ZC3H6: variants seen among roughly 807,000 people sequenced by gnomAD.
The protein encoded by ZC3H6 is zinc finger CCCH-type containing 6, also known as zinc finger CCCH domain-containing protein 6.
Under a neutral mutation model 107.7 loss-of-function variants are expected in ZC3H6, and 40 were observed. The ratio of observed to expected loss-of-function variants is 0.37; its 90% CI spans 0.29 to 0.48. The LOEUF is 0.48. Ranked by LOEUF, ZC3H6 falls within the 20% of genes least tolerant of loss-of-function variation. The pLI, the probability that ZC3H6 is intolerant of heterozygous loss-of-function variation, is 0.98. For missense variants in ZC3H6, 1,267 were observed against 1,410.4 expected (o/e 0.90, Z 1.63); for synonymous variants, 493 against 487.9 (o/e 1.01, Z -0.14).
intron 1 of ZC3H6, among the ~76,000 whole-genome samples, chr2:112,293,937 G>A (rs1023107417): frequency 3.3e-5 from 5 of 152,312 alleles, no homozygotes; most frequent in Admixed American, 3.3e-4. Context: ...CACTCTGGCT[G>A]AGGAACAGTT....
At chr2:112,328,007 A>C (rs1296259199) in intron 11 of ZC3H6, among the ~76,000 whole-genome samples, 1 of 152,148 alleles carries the variant, frequency 6.6e-6, no homozygotes, top group Non-Finnish European at 1.5e-5. Context: ...CTCCTGCCTC[A>C]GCCTCCCAAG....
At position 112,316,765 on chromosome 2, in the gene ZC3H6, A is replaced by G. The variant is rs532067252; in HGVS notation, c.864+179A>G. Among the ~76,000 whole-genome samples, 8 of 152,320 alleles carry G rather than the reference A, an allele frequency of 5.3e-5. No homozygotes were observed. In the East Asian group the frequency reaches 1.3e-3, roughly 26 times the overall value. ...AGAGCTCATTTAATTATGTTCTGGG[A>G]CAATAACATAATTTGTTGAAATCGG... is the stretch of plus-strand genomic sequence containing the variant. On this transcript the variant is annotated intron_variant, in intron 6 of 11. Coordinates refer to ENST00000409871, the MANE Select transcript of ZC3H6 (RefSeq NM_198581.3).
chr2:112,303,957 A>G (rs1676430918), intron 3 of ZC3H6, among the ~76,000 whole-genome samples: 2 of 152,250 alleles, frequency 1.3e-5, no homozygotes, highest in African/African-American at 4.8e-5. Flanking sequence ...TCTATGTCCA[A>G]CTGTCTGAGG....
chr2:112,289,762 T>C (rs1318576880), intron 1 of ZC3H6, among the ~76,000 whole-genome samples: 2 of 125,462 alleles, frequency 1.6e-5, no homozygotes, highest in Non-Finnish European at 3.3e-5. Flanking sequence ...GTTTTGTTTT[T>C]GAGACAGGGT....
At chr2:112,301,746 C>A (rs1676383425) in intron 2 of ZC3H6, among the ~76,000 whole-genome samples, 1 of 151,264 alleles carries the variant, frequency 6.6e-6, no homozygotes. Context: ...CAAAACAAAA[C>A]CAAAAGGAAG....
At chr2:112,299,790 A>G in intron 1 of ZC3H6, 59 bp from the exon 2 acceptor site, 3 of 1,237,520 alleles carry the variant, frequency 2.4e-6, no homozygotes, top group Non-Finnish European at 2.1e-6. Flanking sequence ...TCTTTTGAAA[A>G]TCTTTCTGTA....
chr2:112,302,347 C>T lies in ZC3H6; in HGVS notation c.214-882C>T, dbSNP rs114870412. ...AAATCATAAAAACCAAACTCCAGAC[C>T]ATTTAGGAACAAGATGGAGGAAAGC... is the stretch of plus-strand genomic sequence containing the variant. On this transcript the variant is annotated intron_variant, in intron 2 of 11. Coordinates refer to ENST00000409871, the MANE Select transcript of ZC3H6 (RefSeq NM_198581.3). 3.7e-3 allele frequency among the ~76,000 whole-genome samples: 564 copies of T among 152,132 alleles called. 5 individuals carry two copies. Among genetic ancestry groups the T allele is most frequent in the African/African-American group, 0.012 (511 of 41,504 alleles).
intron 1 of ZC3H6, among the ~76,000 whole-genome samples, chr2:112,287,956 T>C (rs1349150621): frequency 6.6e-6 from 1 of 152,264 alleles, no homozygotes; most frequent in East Asian, 1.9e-4. Context: ...CATGCCTTTC[T>C]GTTTTACTAT....
At chr2:112,330,915 T>C in intron 11 of ZC3H6, 90 bp from the exon 12 acceptor site, 1 of 554,132 alleles carries the variant, frequency 1.8e-6, no homozygotes, top group Non-Finnish European at 2.5e-6. Context: ...AGCCATATTA[T>C]AAAGAATAAT....
Position 112,331,119 on chromosome 2 carries a change from C to T in ZC3H6, c.2201C>T (p.Ser734Phe), listed in dbSNP as rs1174166191. 6.2e-7 allele frequency: 1 copy of T among 1,613,276 alleles called. No homozygotes were observed. The highest frequency in any genetic ancestry group is 8.5e-7 in the Non-Finnish European group (1 of 1,179,612). The change falls in exon 12 of 12, where the codon TCC becomes TTC. Residue 734 changes from serine to phenylalanine, a missense_variant. Transcript: ENST00000409871. The stretch of plus-strand genomic sequence containing the variant: ...ACTTTAAGGAATCAGCAACAACCTT[C>T]CACAGAACTCAGCACTCCTACTGAT... ...TETLRNQQQP[S>F]TELSTPTDPR...
chr2:112,328,153 A>C (rs981937649), intron 11 of ZC3H6, among the ~76,000 whole-genome samples: 10 of 152,112 alleles, frequency 6.6e-5, no homozygotes, highest in Non-Finnish European at 1.2e-4. Context: ...TGGCCTCCCA[A>C]AGTGCTGGGA....
intron 1 of ZC3H6, among the ~76,000 whole-genome samples, chr2:112,290,979 C>T (rs538502856): frequency 1.1e-4 from 17 of 152,110 alleles, no homozygotes; most frequent in South Asian, 4.1e-4. Context: ...AGAAATTTCT[C>T]TCTGATCTTA....
intron 3 of ZC3H6, among the ~76,000 whole-genome samples, chr2:112,307,258 C>T (rs1676493140): frequency 1.3e-5 from 2 of 152,140 alleles, no homozygotes; most frequent in African/African-American, 2.4e-5. Flanking sequence ...TTTGAATATA[C>T]TGTTAACCCC....
At chr2:112,308,404 T>TTTTATTTTA (rs1553493702) in intron 3 of ZC3H6, among the ~76,000 whole-genome samples, 38 of 138,310 alleles carry the variant, frequency 2.7e-4, no homozygotes, top group East Asian at 1.5e-3. Context: ...TTTTATTTTA[T>TTTTATTTTA]TTTATTTATT....
Position 112,331,893 on chromosome 2 carries a change from C to T in ZC3H6, c.2975C>T (p.Ser992Leu), listed in dbSNP as rs754983579. The T allele has an allele frequency of 3.1e-6, 5 of 1,613,850 alleles. No individual in the cohort carries two copies. The highest frequency in any genetic ancestry group is 4.5e-5 in the East Asian group (2 of 44,882). ...GTGGTTATGAAGGATTCACATGCATCAAAGGGTGCCCCTCACTTACCCAGA... is the reference window on the plus strand; with the variant it reads ...GTGGTTATGAAGGATTCACATGCATTAAAGGGTGCCCCTCACTTACCCAGA... ...HQVVMKDSHA[S>L]KGAPHLPRSN... The change falls in exon 12 of 12, where the codon TCA (serine) becomes TTA (leucine). Residue 992 changes from serine (S) to leucine (L), a missense_variant. This residue lies in a region of ZC3H6 where 925 missense variants were observed against 1,025.7 expected (regional missense o/e 0.90). Coordinates refer to ENST00000409871, the MANE Select transcript of ZC3H6 (RefSeq NM_198581.3).
chr2:112,278,996 G>T (rs1416241156), intron 1 of ZC3H6, among the ~76,000 whole-genome samples: 1 of 152,156 alleles, frequency 6.6e-6, no homozygotes, highest in Non-Finnish European at 1.5e-5. Flanking sequence ...TCCATTTAGT[G>T]TACTTTCCTT....
intron 2 of ZC3H6, among the ~76,000 whole-genome samples, chr2:112,302,592 CATTCTGA>C (rs1450843051): frequency 2.0e-5 from 3 of 152,100 alleles, no homozygotes; most frequent in Admixed American, 6.5e-5. Context: ...GGAAGGTAAT[CATTCTGA>C]CCAGATGGAG....
chr2:112,296,923 C>T (rs1430240744), intron 1 of ZC3H6, among the ~76,000 whole-genome samples: 2 of 152,234 alleles, frequency 1.3e-5, no homozygotes, highest in East Asian at 3.9e-4. Context: ...AAGCATCTCA[C>T]CTAAATCTGG....
chr2:112,288,804 G>T (rs537177799), intron 1 of ZC3H6, among the ~76,000 whole-genome samples: 1 of 152,278 alleles, frequency 6.6e-6, no homozygotes, highest in East Asian at 1.9e-4. Context: ...TGAAATAAGA[G>T]ATTTCATTTG....
Sources: allele counts gnomAD v4.1 joint callset (sites outside exome capture counted in the v4.1 genomes callset), GRCh38; gene constraint gnomAD v4.1.1; regional missense constraint gnomAD v4.1.1; transcripts MANE v1.5; gene names NCBI Gene and HGNC (gene_info 2026-07-23, HGNC 2026-07-21).